DRC9: variants seen among roughly 807,000 people sequenced by gnomAD.
DRC9 encodes the protein dynein regulatory complex protein 9.
the DRC9 span, among the ~76,000 whole-genome samples, chr3:197,929,565 A>T: frequency 6.6e-6 from 1 of 152,136 alleles, no homozygotes. The surrounding 1 kb of genome is among the most constrained non-coding windows in gnomAD (Gnocchi z 4.6). Flanking sequence ...TGAGGCCAGG[A>T]GTTGGAGACT....
the DRC9 span, chr3:197,951,580 T>G: frequency 2.3e-6 from 1 of 433,870 alleles, no homozygotes; most frequent in Non-Finnish European, 4.3e-6. Context: ...CCCAAACTCC[T>G]GACCTTAGGT....
the DRC9 span, among the ~76,000 whole-genome samples, chr3:197,901,863 T>A: frequency 6.6e-6 from 1 of 151,950 alleles, no homozygotes; most frequent in Admixed American, 6.6e-5. The surrounding 1 kb of genome is among the most constrained non-coding windows in gnomAD (Gnocchi z 4.4). Context: ...GATTGTAGAG[T>A]CCTAGGGCCT....
chr3:197,947,399 G>T, the DRC9 span, among the ~76,000 whole-genome samples: 4 of 152,098 alleles, frequency 2.6e-5, no homozygotes, highest in East Asian at 7.7e-4. Flanking sequence ...TCTTGACTTG[G>T]TCCACAAGGT....
chr3:197,918,258 CTTTTT>C, the DRC9 span, among the ~76,000 whole-genome samples: 6 of 60,296 alleles, frequency 1.0e-4, no homozygotes, highest in African/African-American at 3.2e-4. Context: ...TAATTTTTTG[CTTTTT>C]TTTTTTTTTT....
chr3:197,906,046 G>C, the DRC9 span, among the ~76,000 whole-genome samples: 1 of 152,024 alleles, frequency 6.6e-6, no homozygotes, highest in Non-Finnish European at 1.5e-5. Flanking sequence ...ATTTGTGGCA[G>C]TTACCAATTT....
the DRC9 span, among the ~76,000 whole-genome samples, chr3:197,908,878 C>G: frequency 0.15 from 23,054 of 151,258 alleles, 1,700 homozygotes; most frequent in South Asian, 0.18. Context: ...CAACCCTTTC[C>G]AAGGCACCCT....
the DRC9 span, among the ~76,000 whole-genome samples, chr3:197,941,339 CCCTCTGT>C: frequency 6.8e-4 from 59 of 87,172 alleles, 3 homozygotes; most frequent in African/African-American, 3.4e-3. Context: ...TCTCTCTCTC[CCCTCTGT>C]CTCTTTCTTT....
chr3:197,927,666 C>T, the DRC9 span, among the ~76,000 whole-genome samples: 1 of 152,152 alleles, frequency 6.6e-6, no homozygotes, highest in African/African-American at 2.4e-5. Flanking sequence ...TTTCCGTCTA[C>T]TATTAATTCA....
chr3:197,934,784 A>G, the DRC9 span, among the ~76,000 whole-genome samples: 4 of 147,438 alleles, frequency 2.7e-5, no homozygotes, highest in Non-Finnish European at 4.5e-5. Flanking sequence ...TCTGGGCAAC[A>G]TAGTGAGACC....
At chr3:197,916,099 A>G in the DRC9 span, 1 of 152,008 alleles carries the variant, frequency 6.6e-6, no homozygotes, top group South Asian at 2.1e-4. Flanking sequence ...CATCTTCCCA[A>G]GTAGCTAGTA....
the DRC9 span, among the ~76,000 whole-genome samples, chr3:197,911,717 G>A: frequency 2.6e-5 from 4 of 151,752 alleles, no homozygotes; most frequent in Admixed American, 2.6e-4. Flanking sequence ...TCGGCTCACT[G>A]TAACCTCTGC....
the DRC9 span, chr3:197,957,043 T>C: frequency 6.6e-6 from 1 of 152,230 alleles, no homozygotes; most frequent in East Asian, 1.9e-4. Context: ...TGCAAAAGAA[T>C]TAACATGCTG....
chr3:197,918,019 G>A, the DRC9 span, among the ~76,000 whole-genome samples: 87 of 151,624 alleles, frequency 5.7e-4, no homozygotes, highest in African/African-American at 2.0e-3. Context: ...ACAGGCATGA[G>A]CCACCATGCC....
chr3:197,949,119 T>G, the DRC9 span, among the ~76,000 whole-genome samples: 1 of 152,248 alleles, frequency 6.6e-6, no homozygotes, highest in Non-Finnish European at 1.5e-5. Context: ...AATTATCATC[T>G]TCTAACGTGT....
the DRC9 span, among the ~76,000 whole-genome samples, chr3:197,901,778 G>A: frequency 6.6e-6 from 1 of 152,220 alleles, no homozygotes; most frequent in South Asian, 2.1e-4. The surrounding 1 kb of genome is among the most constrained non-coding windows in gnomAD (Gnocchi z 4.4). Context: ...CAGCATCTCT[G>A]GACCCGCCCA....
chr3:197,947,033 A>T, the DRC9 span, among the ~76,000 whole-genome samples: 1 of 151,964 alleles, frequency 6.6e-6, no homozygotes, highest in Non-Finnish European at 1.5e-5. Flanking sequence ...CTGGTCTCGA[A>T]CTCTTGACCT....
the DRC9 span, among the ~76,000 whole-genome samples, chr3:197,939,356 G>T: frequency 6.6e-6 from 1 of 152,220 alleles, no homozygotes; most frequent in Non-Finnish European, 1.5e-5. Context: ...TAGTGGTGTG[G>T]TGTAGACTTT....
At chr3:197,936,125 T>C in the DRC9 span, among the ~76,000 whole-genome samples, 2 of 151,572 alleles carry the variant, frequency 1.3e-5, no homozygotes, top group Non-Finnish European at 2.9e-5. Context: ...GATTGTACCA[T>C]TGTACTCCAG....
chr3:197,941,497 CCCTTCCTCCCTT>C, the DRC9 span, among the ~76,000 whole-genome samples: 1 of 74,652 alleles, frequency 1.3e-5, no homozygotes, highest in African/African-American at 6.4e-5. Flanking sequence ...CTCCCTCCCT[CCCTTCCTCCCTT>C]CCTTCCTTCC....
Sources: gnomAD v4.1 joint callset for allele counts (sites outside exome capture counted in the v4.1 genomes callset) on GRCh38, gnomAD v4.1.1 for gene constraint, Gnocchi (gnomAD v3.1) non-coding constraint, MANE v1.5 for transcripts, NCBI Gene and HGNC (gene_info 2026-07-23, HGNC 2026-07-21) for gene names.